Variants in IGF2R observed in about 807,000 individuals in gnomAD.
IGF2R encodes the protein insulin like growth factor 2 receptor, also known as cation-independent mannose-6-phosphate receptor.
Under a neutral mutation model 270.6 loss-of-function variants are expected in IGF2R, and 91 were observed. That is an observed-to-expected ratio of 0.34 (90% CI 0.28 to 0.40). IGF2R has a LOEUF of 0.40. IGF2R is among the 10% of genes least tolerant of loss of function. The pLI is 1.00. For synonymous variants in IGF2R, 1,316 were observed against 1,258.9 expected (o/e 1.05, Z -0.96); for missense variants, 2,805 against 3,188.3 (o/e 0.88, Z 2.90).
In IGF2R at chr6:160,096,511, C is replaced by T; in HGVS notation, c.6728C>T (p.Thr2243Ile). Residue 2243 changes from threonine to isoleucine, a missense_variant, in exon 45 of 48, where the codon ACC becomes ATC. Transcript: ENST00000356956. ...GKDKTKSVSS[T>I]IFFHCDPLVE... ...GATAAGACCAAGTCTGTTTCTTCCA[C>T]CATCTTCTTCCACTGTGACCCTCTG... is the stretch of plus-strand genomic sequence containing the variant. 1.2e-6 allele frequency: 2 copies of T among 1,614,174 alleles called. No individual in the cohort carries two copies. Among genetic ancestry groups the T allele is most frequent in the Non-Finnish European group, 1.7e-6 (2 of 1,180,018 alleles).
intron 4 of IGF2R, among the ~76,000 whole-genome samples, chr6:160,016,968 G>A (rs1777313914): frequency 6.6e-6 from 1 of 152,196 alleles, no homozygotes; most frequent in African/African-American, 2.4e-5. Flanking sequence ...AAAGCAGGGT[G>A]TTATAGCACC....
At chr6:160,052,034 A>AC (rs946329352) in intron 19 of IGF2R, among the ~76,000 whole-genome samples, 7 of 150,958 alleles carry the variant, frequency 4.6e-5, no homozygotes, top group Admixed American at 2.0e-4. Flanking sequence ...ACTTAGTGAG[A>AC]CCCCATCTCT....
rs774278328 is a variant in IGF2R at position 160,056,398 on chromosome 6, C to T, written c.2695-26C>T. On this transcript the variant is annotated intron_variant, in intron 19 of 47. Coordinates refer to ENST00000356956, the MANE Select transcript of IGF2R (RefSeq NM_000876.4). ...ATCAAGTTCCATGTTACTGTATTGA[C>T]TTTTACCCTGGATTTGCCCATTCAG... The T allele has an allele frequency of 4.0e-6, 6 of 1,500,554 alleles. No individual in the cohort carries two copies. In the Admixed American group the frequency reaches 8.4e-5, roughly 21 times the overall value. 93.0% of individuals were successfully genotyped at this position (1,500,554 alleles called of 1,614,324 possible). A position where few individuals can be genotyped will look rare whatever the true frequency, so the allele number is the denominator to read the frequency against.
chr6:160,077,739 G>A (rs1248220861), intron 36 of IGF2R, among the ~76,000 whole-genome samples: 3 of 152,152 alleles, frequency 2.0e-5, no homozygotes, highest in Non-Finnish European at 4.4e-5. Context: ...TGTTGCTGTT[G>A]AATGAGGGAG....
intron 10 of IGF2R, 71 bp downstream of exon 10, chr6:160,034,593 G>A (rs982701034): frequency 8.9e-6 from 9 of 1,013,348 alleles, no homozygotes; most frequent in African/African-American, 7.9e-5. Flanking sequence ...GTGCACAGGC[G>A]TGTTCTTGGA....
At position 160,043,393 on chromosome 6, in the gene IGF2R, A is replaced by G. The variant is rs8191778; in HGVS notation, c.1621+105A>G. The G allele has an allele frequency of 1.9e-4, 246 of 1,278,760 alleles. No individual in the cohort carries two copies. In the Middle Eastern group the frequency reaches 3.8e-3, roughly 20 times the overall value. 79.2% of individuals were successfully genotyped at this position (1,278,760 alleles called of 1,614,324 possible). A position where few individuals can be genotyped will look rare whatever the true frequency, so the allele number is the denominator to read the frequency against. ...TGGTTCATCTAAGCCTCCTCTTTCT[A>G]TAATCACATGAAGGATGGTAAAAAT... On this transcript the variant is annotated intron_variant, in intron 12 of 47. Transcript: ENST00000356956.
At chr6:160,068,137 G>T (rs1778630696) in intron 29 of IGF2R, 112 bp from the exon 30 acceptor site, 940 of 917,858 alleles carry the variant, frequency 1.0e-3, no homozygotes, top group East Asian at 1.3e-3. Flanking sequence ...CGAGTCTAAA[G>T]TTCTGTCAGG....
chr6:160,065,808 G>GTA (rs1469370137), intron 29 of IGF2R, among the ~76,000 whole-genome samples: 10 of 55,128 alleles, frequency 1.8e-4, no homozygotes, highest in Admixed American at 1.1e-3. Flanking sequence ...GTGTGTGTGT[G>GTA]TGTGTGTATA....
chr6:160,065,836 A>ATATATATATATATATATG (rs1423747636), intron 29 of IGF2R, among the ~76,000 whole-genome samples: 31 of 116,994 alleles, frequency 2.6e-4, no homozygotes, highest in African/African-American at 1.1e-3. Context: ...ATATATATAT[A>ATATATATATATATATATG]TATATATATG....
rs1466753267 is a variant in IGF2R at position 160,102,027 on chromosome 6, G to A, written c.6843-492G>A. Reference sequence around the variant, plus strand: ...CCACCCTGGTCTGTGGCCGCCCCTGGGCCCCGTCCTGGCCTGTTTCTAAGG... The same window carrying A: ...CCACCCTGGTCTGTGGCCGCCCCTGAGCCCCGTCCTGGCCTGTTTCTAAGG... On this transcript the variant is annotated intron_variant, in intron 45 of 47. Coordinates refer to ENST00000356956, the MANE Select transcript of IGF2R (RefSeq NM_000876.4). The surrounding 1 kb of genome is among the most constrained non-coding windows in gnomAD (Gnocchi z 4.5). 2.6e-5 allele frequency among the ~76,000 whole-genome samples: 4 copies of A among 152,160 alleles called. No individual in the cohort carries two copies. The highest frequency in any genetic ancestry group is 5.9e-5 in the Non-Finnish European group (4 of 68,032).
At chr6:159,997,634 G>A (rs1185457995) in intron 2 of IGF2R, among the ~76,000 whole-genome samples, 2 of 152,138 alleles carry the variant, frequency 1.3e-5, no homozygotes, top group Non-Finnish European at 2.9e-5. Context: ...GCTCCTAGCC[G>A]CTCTCTGCCC....
chr6:159,990,781 C>T (rs778497694), intron 1 of IGF2R, among the ~76,000 whole-genome samples: 9 of 152,182 alleles, frequency 5.9e-5, no homozygotes, highest in South Asian at 2.1e-4. Flanking sequence ...AGGCGTGTGC[C>T]ACCACGCCCA....
intron 1 of IGF2R, among the ~76,000 whole-genome samples, chr6:159,971,423 A>C (rs1371007969): frequency 6.6e-6 from 1 of 152,224 alleles, no homozygotes; most frequent in African/African-American, 2.4e-5. Flanking sequence ...TGCATTGTGA[A>C]TATAATAAGA....
At chr6:159,985,448 G>A (rs1463513325) in intron 1 of IGF2R, among the ~76,000 whole-genome samples, 1 of 152,202 alleles carries the variant, frequency 6.6e-6, no homozygotes, top group Middle Eastern at 3.2e-3. Context: ...GTTGGATAAT[G>A]GCATCACGTT....
chr6:160,078,153 A>G, intron 36 of IGF2R, 48 bp from the exon 37 acceptor site: 1 of 1,597,778 alleles, frequency 6.3e-7, no homozygotes, highest in Non-Finnish European at 8.6e-7. Flanking sequence ...ACTGCTATCT[A>G]TCCCTATGCC....
At position 160,109,130 on chromosome 6, in the gene IGF2R, G is replaced by A. The variant is rs1779689738; in HGVS notation, c.*4046G>A. ...ATTGATAATGTTGTTTTGATGCTCA[G>A]TGTTTGAGGGAAACACAATCTAGTG... On this transcript the variant is annotated 3_prime_UTR_variant, in exon 48 of 48. Transcript: ENST00000356956. 1 of 152,250 alleles carries A rather than the reference G, an allele frequency of 6.6e-6. No homozygotes were observed. The highest frequency in any genetic ancestry group is 6.5e-5 in the Admixed American group (1 of 15,288). 9.4% of individuals were successfully genotyped at this position (152,250 alleles called of 1,614,324 possible).
chr6:159,993,395 A>G (rs990237412), intron 2 of IGF2R, among the ~76,000 whole-genome samples: 11 of 152,256 alleles, frequency 7.2e-5, no homozygotes, highest in East Asian at 1.9e-4. Flanking sequence ...CAACTTTTGT[A>G]TATGGTGAGA....
intron 1 of IGF2R, among the ~76,000 whole-genome samples, chr6:159,973,988 G>T (rs940013493): frequency 1.3e-5 from 2 of 152,198 alleles, no homozygotes; most frequent in African/African-American, 4.8e-5. Flanking sequence ...TAGCCACAGA[G>T]AGCTCTTGCT....
At chr6:160,016,709 G>A (rs529596137) in intron 4 of IGF2R, among the ~76,000 whole-genome samples, 2 of 152,044 alleles carry the variant, frequency 1.3e-5, no homozygotes, top group Non-Finnish European at 2.9e-5. Context: ...CACCAGCCTG[G>A]TATATTACTA....
Sources: allele counts gnomAD v4.1 joint callset (sites outside exome capture counted in the v4.1 genomes callset), GRCh38; gene constraint gnomAD v4.1.1; non-coding constraint Gnocchi (gnomAD v3.1); transcripts MANE v1.5; gene names NCBI Gene and HGNC (gene_info 2026-07-23, HGNC 2026-07-21).